Variants in SORCS3 observed in about 807,000 individuals in gnomAD.
SORCS3 encodes the protein VPS10 domain-containing receptor SorCS3.
A neutral mutation model predicts 146.3 loss-of-function variants in SORCS3; 57 were observed. That is an observed-to-expected ratio of 0.39 (90% CI 0.31 to 0.49). The LOEUF (loss-of-function observed/expected upper bound fraction) is 0.49, where lower values mean the gene tolerates loss of function less well. SORCS3 is among the 20% of genes least tolerant of loss of function. SORCS3 has a pLI of 0.92. For synonymous variants in SORCS3, 653 were observed against 618.5 expected (o/e 1.06, Z -0.83); for missense variants, 1,341 against 1,575.5 (o/e 0.85, Z 2.52).
intron 3 of SORCS3, among the ~76,000 whole-genome samples, chr10:104,967,533 A>T (rs2054832636): frequency 6.6e-6 from 1 of 152,090 alleles, no homozygotes; most frequent in Admixed American, 6.5e-5. Context: ...AGTCCCCTTT[A>T]TGCCCACCTC....
At chr10:105,216,830 A>G in intron 18 of SORCS3, 106 bp from the exon 19 acceptor site, 2 of 1,088,742 alleles carry the variant, frequency 1.8e-6, no homozygotes, top group Admixed American at 4.0e-5. Context: ...CCCTTTGGGA[A>G]AGACTATGGG....
chr10:105,014,849 C>T (rs548686815), intron 4 of SORCS3, among the ~76,000 whole-genome samples: 11 of 152,234 alleles, frequency 7.2e-5, no homozygotes, highest in African/African-American at 2.6e-4. Context: ...CTAGAAGGTG[C>T]CATCTATGAA....
At chr10:104,665,263 A>C (rs140062530) in intron 1 of SORCS3, 2 of 152,366 alleles carry the variant, frequency 1.3e-5, no homozygotes, top group African/African-American at 4.8e-5. Flanking sequence ...CCATAAAAGT[A>C]CACATGCACT....
At chr10:105,104,710 A>G (rs937936347) in intron 6 of SORCS3, among the ~76,000 whole-genome samples, 1 of 152,206 alleles carries the variant, frequency 6.6e-6, no homozygotes, top group Non-Finnish European at 1.5e-5. Context: ...GCTAATTTTC[A>G]TATGTATCCT....
Position 105,262,457 on chromosome 10 carries a change from G to T in SORCS3, c.3570G>T (p.Glu1190Asp). 6.2e-7 allele frequency: 1 copy of T among 1,614,002 alleles called. No individual in the cohort carries two copies. The highest frequency in any genetic ancestry group is 1.1e-5 in the South Asian group (1 of 91,080). ...TCAGTGACTTTACGGAGCCTGAGGA[G>T]CTGCTGGACAAAGAGCTGGACACGC... The part of the protein sequence containing the change: ...ITLSDFTEPE[E>D]LLDKELDTRV... Residue 1190 changes from glutamate to aspartate, a missense_variant, in exon 26 of 27, where the codon GAG (glutamate) becomes GAT (aspartate). Transcript: ENST00000369701.
intron 1 of SORCS3, among the ~76,000 whole-genome samples, chr10:104,684,564 C>T (rs1589456721): frequency 1.3e-5 from 2 of 152,168 alleles, no homozygotes; most frequent in African/African-American, 2.4e-5. Flanking sequence ...GTGTTTGTGG[C>T]TCCTCAGTGG....
intron 1 of SORCS3, among the ~76,000 whole-genome samples, chr10:104,676,872 A>G (rs965912922): frequency 1.3e-5 from 2 of 151,992 alleles, no homozygotes; most frequent in African/African-American, 4.8e-5. Flanking sequence ...CAGTGGTCGA[A>G]TGGTAGTGTG....
intron 3 of SORCS3, among the ~76,000 whole-genome samples, chr10:104,969,042 G>T (rs2133641164): frequency 6.6e-6 from 1 of 152,284 alleles, no homozygotes; most frequent in East Asian, 1.9e-4. Context: ...GGGTGGACAT[G>T]GGATGATTTT....
rs76032970 is a variant in SORCS3, at chr10:104,889,454, A to AT, written c.696-26363dup. On this transcript the variant is annotated intron_variant, in intron 2 of 26. Transcript: ENST00000369701. ...TCCATTTTCCCTCCTTTTGGATGGTATTTTTTTTTTTTTTTTGCTATCCCA... is the reference window on the plus strand; with the variant it reads ...TCCATTTTCCCTCCTTTTGGATGGTATTTTTTTTTTTTTTTTTGCTATCCCA... 3.9e-3 allele frequency among the ~76,000 whole-genome samples: 454 copies of AT among 116,978 alleles called. 2 individuals are homozygous for AT. Among genetic ancestry groups the AT allele is most frequent in the South Asian group, 0.017 (62 of 3,662 alleles). The allele number at this position is 116,978 out of a possible 152,430, so 76.7% of individuals were successfully genotyped here. A position where few individuals can be genotyped will look rare whatever the true frequency, so the allele number is the denominator to read the frequency against.
At chr10:104,771,552 A>C (rs757692046) in intron 1 of SORCS3, among the ~76,000 whole-genome samples, 3 of 152,174 alleles carry the variant, frequency 2.0e-5, no homozygotes, top group Non-Finnish European at 2.9e-5. Flanking sequence ...GTGGCAGGCT[A>C]TCACTGAGAC....
chr10:105,080,839 G>A (rs1380264261), intron 5 of SORCS3, among the ~76,000 whole-genome samples: 1 of 152,100 alleles, frequency 6.6e-6, no homozygotes, highest in Admixed American at 6.5e-5. Flanking sequence ...AGAATAGAGA[G>A]CATGGAAATG....
chr10:105,007,166 C>A (rs983320425), intron 4 of SORCS3, among the ~76,000 whole-genome samples: 3 of 152,136 alleles, frequency 2.0e-5, no homozygotes, highest in Admixed American at 6.5e-5. Flanking sequence ...TGAAGTTCTA[C>A]CTAGTGGTTG....
intron 1 of SORCS3, among the ~76,000 whole-genome samples, chr10:104,728,336 A>G (rs1245265538): frequency 6.6e-6 from 1 of 152,084 alleles, no homozygotes; most frequent in Non-Finnish European, 1.5e-5. Flanking sequence ...TGATCTTGCA[A>G]TTCTAGTGCT....
chr10:104,801,671 A>G (rs959901417), intron 1 of SORCS3, among the ~76,000 whole-genome samples: 3 of 152,206 alleles, frequency 2.0e-5, no homozygotes, highest in Non-Finnish European at 4.4e-5. Flanking sequence ...TGATTTTTAC[A>G]TCTTAGGACT....
At chr10:105,247,896 C>G (rs183212520) in intron 22 of SORCS3, among the ~76,000 whole-genome samples, 1 of 152,136 alleles carries the variant, frequency 6.6e-6, no homozygotes, top group Non-Finnish European at 1.5e-5. Flanking sequence ...GGCTTGATCC[C>G]TTTAATGCAC....
At chr10:104,754,526 A>G (rs755805935) in intron 1 of SORCS3, among the ~76,000 whole-genome samples, 1 of 152,072 alleles carries the variant, frequency 6.6e-6, no homozygotes, top group Non-Finnish European at 1.5e-5. Context: ...GGGGGGAAAA[A>G]CTTTACCCCC....
chr10:105,235,299 T>C (rs1289350109), intron 20 of SORCS3, among the ~76,000 whole-genome samples: 1 of 152,076 alleles, frequency 6.6e-6, no homozygotes. Flanking sequence ...AGAATAATTA[T>C]TTTCCCCCTC....
chr10:104,994,013 A>G (rs1331001883), intron 4 of SORCS3, among the ~76,000 whole-genome samples: 1 of 152,210 alleles, frequency 6.6e-6, no homozygotes, highest in Non-Finnish European at 1.5e-5. Context: ...AGAAGCAGAG[A>G]CAGCAAAATC....
intron 20 of SORCS3, among the ~76,000 whole-genome samples, chr10:105,242,376 ATATTTATATATATTTATAT>A (rs1227940614): frequency 4.2e-5 from 5 of 119,880 alleles, no homozygotes; most frequent in Non-Finnish European, 8.0e-5. Flanking sequence ...ATTTATACAT[ATATTTATATATATTTATAT>A]ATTTATACAT....
Sources: allele counts gnomAD v4.1 joint callset (sites outside exome capture counted in the v4.1 genomes callset), GRCh38; gene constraint gnomAD v4.1.1; transcripts MANE v1.5; gene names NCBI Gene and HGNC (gene_info 2026-07-23, HGNC 2026-07-21).